The following URB1 variants were observed in gnomAD, a reference collection of about 807,000 sequenced individuals.
The protein encoded by URB1 is nucleolar pre-ribosomal-associated protein 1.
A neutral mutation model predicts 242.3 loss-of-function variants in URB1; 197 were observed. The observed-to-expected ratio is 0.81, with a 90% CI of 0.72 to 0.91. The LOEUF (loss-of-function observed/expected upper bound fraction) is 0.91, where lower values mean the gene tolerates loss of function less well. URB1 is among the 40% of genes least tolerant of loss of function. The pLI is 0.00. For missense variants in URB1, 2,721 were observed against 2,860.5 expected (o/e 0.95, Z 1.11); for synonymous variants, 1,153 against 1,201.8 (o/e 0.96, Z 0.84).
chr21:32,339,869 G>A (rs1218063399), intron 25 of URB1, among the ~76,000 whole-genome samples: 4 of 152,200 alleles, frequency 2.6e-5, no homozygotes, highest in South Asian at 2.1e-4. Context: ...CATGAGAACA[G>A]CTGCGCCTGA....
intron 3 of URB1, 68 bp downstream of exon 3, chr21:32,384,245 C>G: frequency 1.3e-6 from 2 of 1,501,244 alleles, no homozygotes; most frequent in Non-Finnish European, 1.8e-6. Context: ...CCAAATGCAC[C>G]TGCGGAGAGC....
intron 8 of URB1, among the ~76,000 whole-genome samples, chr21:32,369,011 G>A (rs1221399291): frequency 6.6e-6 from 1 of 152,134 alleles, no homozygotes; most frequent in African/African-American, 2.4e-5. Flanking sequence ...TTCATTTTGA[G>A]ATTTTACTGA....
chr21:32,317,113 CCA>C, intron 37 of URB1, 48 bp from the exon 38 acceptor site: 1 of 1,466,484 alleles, frequency 6.8e-7, no homozygotes, highest in Non-Finnish European at 9.0e-7. Context: ...TCCCTCCTGC[CCA>C]CACAGATCCA....
chr21:32,389,586 G>A (rs552996720), intron 1 of URB1, among the ~76,000 whole-genome samples: 1 of 152,218 alleles, frequency 6.6e-6, no homozygotes, highest in East Asian at 1.9e-4. Flanking sequence ...ATTCTCAGGA[G>A]GAGAATCAAC....
chr21:32,342,675 A>ACG (rs58176112), intron 24 of URB1, among the ~76,000 whole-genome samples: 1 of 147,438 alleles, frequency 6.8e-6, no homozygotes, highest in Non-Finnish European at 1.5e-5. Flanking sequence ...CTTGTGAACC[A>ACG]GGAAAGCCGG....
At position 32,311,561 on chromosome 21, in the gene URB1, C is replaced by T; in HGVS notation, c.*3357G>A. On this transcript the variant is annotated 3_prime_UTR_variant, in exon 39 of 39. Coordinates refer to ENST00000382751, the MANE Select transcript of URB1 (RefSeq NM_014825.3). ...TGGCTGACCCTTCTCAGGAATTTGC[C>T]TGTGTGGCCTTCCCTATGGGGTCCG... The T allele has an allele frequency of 6.4e-6, 9 of 1,406,214 alleles. No individual in the cohort carries two copies. The highest frequency in any genetic ancestry group is 8.6e-6 in the Non-Finnish European group (9 of 1,043,452). The allele number at this position is 1,406,214 out of a possible 1,614,324, so 87.1% of individuals were successfully genotyped here. A position where few individuals can be genotyped will look rare whatever the true frequency, so the allele number is the denominator to read the frequency against.
Position 32,363,139 on chromosome 21 carries a change from C to A in URB1, c.1509+17G>T. ...GTGAGGTCTGGAAGGAAAGCCCAAA[C>A]CCAGATCAGAGCCTACCTTGCTCAG... On this transcript the variant is annotated intron_variant, in intron 11 of 38. Transcript: ENST00000382751. The A allele has an allele frequency of 2.6e-6, 4 of 1,547,884 alleles. No homozygotes were observed. Among genetic ancestry groups the A allele is most frequent in the Non-Finnish European group, 3.5e-6 (4 of 1,145,220 alleles).
At position 32,372,585 on chromosome 21, in the gene URB1, T is replaced by C; in HGVS notation, c.923A>G (p.His308Arg). ...AGKTMVRELV[H>R]NFLMDLCCSL... is the part of the protein sequence containing the mutation. ...ACAGCAAAGATCCATCAGGAAGTTA[T>C]GAACAAGCTCCCGCACCATGGTTTT... is the stretch of plus-strand genomic sequence containing the variant. The change falls in exon 8 of 39, where the codon CAT becomes CGT. Residue 308 changes from histidine to arginine, a missense_variant. Coordinates refer to ENST00000382751, the MANE Select transcript of URB1 (RefSeq NM_014825.3). The C allele has an allele frequency of 1.3e-6, 2 of 1,551,700 alleles. No individual in the cohort carries two copies. Among genetic ancestry groups the C allele is most frequent in the South Asian group, 1.2e-5 (1 of 84,060 alleles).
chr21:32,390,506 T>C (rs2033626468), intron 1 of URB1, among the ~76,000 whole-genome samples: 1 of 152,108 alleles, frequency 6.6e-6, no homozygotes, highest in Non-Finnish European at 1.5e-5. Context: ...GAGTTCATTG[T>C]AGATTCTGGA....
Position 32,312,308 on chromosome 21 carries a change from C to G in URB1, c.*2610G>C. 7.7e-7 allele frequency: 1 copy of G among 1,306,964 alleles called. No homozygotes were observed. Among genetic ancestry groups the G allele is most frequent in the African/African-American group, 1.5e-5 (1 of 67,022 alleles). 81.0% of individuals were successfully genotyped at this position (1,306,964 alleles called of 1,614,324 possible). A position where few individuals can be genotyped will look rare whatever the true frequency, so the allele number is the denominator to read the frequency against. On this transcript the variant is annotated 3_prime_UTR_variant, in exon 39 of 39. Coordinates refer to ENST00000382751, the MANE Select transcript of URB1 (RefSeq NM_014825.3). ...GAGGAAAAGCTGTTTGCTTACTAATCTTTACTATGCCACTTTACCATTACT... is the reference window on the plus strand; with the variant it reads ...GAGGAAAAGCTGTTTGCTTACTAATGTTTACTATGCCACTTTACCATTACT...
Position 32,368,443 on chromosome 21 carries a change from G to A in URB1, c.1157C>T (p.Ala386Val), listed in dbSNP as rs372503492. ...GATATTATTTAACCAAGTAGACTTCGCTCGTGGGATAAAGGAAAACGTTAC... is the reference window on the plus strand; with the variant it reads ...GATATTATTTAACCAAGTAGACTTCACTCGTGGGATAAAGGAAAACGTTAC... ...KEVTFSFIPR[A>V]KSTWLNNIKL... is the part of the protein sequence containing the mutation. Residue 386 changes from alanine to valine, a missense_variant, in exon 9 of 39, where the codon GCG becomes GTG. Physicochemically the swap from Ala to Val is moderately conservative, Grantham distance 64 (BLOSUM62 0). Coordinates refer to ENST00000382751, the MANE Select transcript of URB1 (RefSeq NM_014825.3). 33 of 1,549,854 alleles carry A rather than the reference G, an allele frequency of 2.1e-5. No individual in the cohort carries two copies. The highest frequency in any genetic ancestry group is 3.6e-5 in the South Asian group (3 of 83,564).
intron 4 of URB1, 50 bp from the exon 5 acceptor site, chr21:32,378,591 CA>C (rs1406483315): frequency 1.4e-6 from 2 of 1,463,814 alleles, no homozygotes; most frequent in Admixed American, 2.0e-5. Context: ...CACATACAGC[CA>C]AAGGAATCAG....
Position 32,385,694 on chromosome 21 carries a change from A to T in URB1, c.143-10T>A. On this transcript the variant is annotated splice_polypyrimidine_tract_variant and intron_variant, in intron 1 of 38. Coordinates refer to ENST00000382751, the MANE Select transcript of URB1 (RefSeq NM_014825.3). ...ACAAACGCTTCCAAGCCTGAAAAAAAAGTTATGTTCAAACATTAACAAGGT... is the reference window on the plus strand; with the variant it reads ...ACAAACGCTTCCAAGCCTGAAAAAATAGTTATGTTCAAACATTAACAAGGT... The T allele has an allele frequency of 6.5e-7, 1 of 1,550,098 alleles. No individual in the cohort carries two copies. Among genetic ancestry groups the T allele is most frequent in the Non-Finnish European group, 8.7e-7 (1 of 1,146,602 alleles).
At chr21:32,362,582 G>A (rs376624177) in intron 11 of URB1, among the ~76,000 whole-genome samples, 43 of 152,214 alleles carry the variant, frequency 2.8e-4, no homozygotes, top group African/African-American at 9.6e-4. Context: ...TCATTAAAAC[G>A]AACCCCTTAA....
chr21:32,325,268 G>A lies in URB1; in HGVS notation c.5082C>T (p.Tyr1694=). The change falls in exon 31 of 39, where the codon TAC becomes TAT. Residue 1694 remains tyrosine (Y), a synonymous_variant. Coordinates refer to ENST00000382751, the MANE Select transcript of URB1 (RefSeq NM_014825.3). ...AIAYHVLAAY[Y]SHLEGARFQE... The stretch of plus-strand genomic sequence containing the variant: ...GGAACCGTGCGCCCTCCAAGTGCGA[G>A]TAGTAGGCCGCCAGGACATGGTAGG... The A allele has an allele frequency of 6.4e-7, 1 of 1,551,740 alleles. No homozygotes were observed.
At chr21:32,353,329 T>C (rs1192410698) in intron 18 of URB1, among the ~76,000 whole-genome samples, 1 of 152,140 alleles carries the variant, frequency 6.6e-6, no homozygotes, top group East Asian at 1.9e-4. Flanking sequence ...TCCCTTTCCA[T>C]GGTGATCTTG....
Position 32,314,968 on chromosome 21 carries a change from C to T in URB1, c.6766G>A (p.Ala2256Thr). ...ADDAPSSEEEAIVVLCKDAAS... is the reference protein window; with the variant it reads ...ADDAPSSEEETIVVLCKDAAS... ...GCGTCCTTGCAGAGCACCACGATGG[C>T]CTCCTCTTCACTGCTCGGGGCATCA... Residue 2256 changes from alanine to threonine, a missense_variant, in exon 39 of 39, where the codon GCC (alanine) becomes ACC (threonine). Coordinates refer to ENST00000382751, the MANE Select transcript of URB1 (RefSeq NM_014825.3). 1 of 1,551,648 alleles carries T rather than the reference C, an allele frequency of 6.4e-7. No homozygotes were observed. The highest frequency in any genetic ancestry group is 1.4e-5 in the African/African-American group (1 of 73,172).
intron 25 of URB1, 49 bp downstream of exon 25, chr21:32,341,417 G>A (rs1479857055): frequency 3.9e-6 from 6 of 1,526,402 alleles, no homozygotes; most frequent in Middle Eastern, 1.7e-4. Context: ...CATGCTGAAC[G>A]ACATTCACAC....
intron 31 of URB1, 23 bp downstream of exon 31, chr21:32,325,206 G>A (rs1295118514): frequency 6.5e-7 from 1 of 1,535,574 alleles, no homozygotes; most frequent in Admixed American, 2.0e-5. Flanking sequence ...CCCCACAGTA[G>A]GATGTACGCT....
Sources: allele counts gnomAD v4.1 joint callset (sites outside exome capture counted in the v4.1 genomes callset), GRCh38; gene constraint gnomAD v4.1.1; transcripts MANE v1.5; gene names NCBI Gene and HGNC (gene_info 2026-07-23, HGNC 2026-07-21).